Variants in MCF2L observed in about 807,000 individuals in gnomAD.
MCF2L encodes guanine nucleotide exchange factor DBS.
MCF2L carries 97 observed loss-of-function variants against 153.4 expected under a neutral mutation model. The observed-to-expected ratio is 0.63, with a 90% CI of 0.54 to 0.75. MCF2L has a LOEUF of 0.75. Among genes scored for constraint, MCF2L ranks in the 30% least tolerant of loss-of-function variants. The pLI, the probability that MCF2L is intolerant of heterozygous loss-of-function variation, is 0.00. For synonymous variants in MCF2L, 659 were observed against 632.2 expected (o/e 1.04, Z -0.64); for missense variants, 1,347 against 1,495.2 (o/e 0.90, Z 1.64).
rs894403191 is a variant in MCF2L, at chr13:113,035,690, G to A, written c.279-9581G>A. Among the ~76,000 whole-genome samples, 3 of 152,180 alleles carry A rather than the reference G, an allele frequency of 2.0e-5. No individual in the cohort carries two copies. The highest frequency in any genetic ancestry group is 2.9e-5 in the Non-Finnish European group (2 of 68,034). ...AGCTCCTGTGTTATCTGCCCTCCCC[G>A]CGAAGCTCCTTGGAGGATGGAGATT... On this transcript the variant is annotated intron_variant, in intron 3 of 29. Coordinates refer to ENST00000535094, the MANE Select transcript of MCF2L (RefSeq NM_001112732.3). The surrounding 1 kb of genome is among the most constrained non-coding windows in gnomAD (Gnocchi z 4.4).
intron 2 of MCF2L, among the ~76,000 whole-genome samples, chr13:112,939,156 C>T: frequency 6.6e-6 from 1 of 152,174 alleles, no homozygotes; most frequent in East Asian, 1.9e-4. Context: ...TCACTTTCAT[C>T]TGTGACACTT....
intron 1 of MCF2L, among the ~76,000 whole-genome samples, chr13:112,979,095 C>T (rs2082310762): frequency 6.6e-6 from 1 of 152,258 alleles, no homozygotes; most frequent in Non-Finnish European, 1.5e-5. Flanking sequence ...ATCACTTCCT[C>T]CCTCGAGGAG....
At chr13:112,954,480 CCT>C (rs1374890997) in intron 2 of MCF2L, among the ~76,000 whole-genome samples, 16 of 152,360 alleles carry the variant, frequency 1.1e-4, no homozygotes, top group African/African-American at 3.8e-4. Flanking sequence ...TTCACTCCCT[CCT>C]CATTTAACTT....
intron 1 of MCF2L, among the ~76,000 whole-genome samples, chr13:113,005,127 A>G (rs2083601232): frequency 6.6e-6 from 1 of 152,234 alleles, no homozygotes; most frequent in African/African-American, 2.4e-5. Flanking sequence ...TGTGGGGCAC[A>G]CACAATAGAG....
At chr13:112,948,960 T>A (rs1202398440) in intron 2 of MCF2L, among the ~76,000 whole-genome samples, 1 of 152,138 alleles carries the variant, frequency 6.6e-6, no homozygotes, top group East Asian at 1.9e-4. Flanking sequence ...CAGCTACTCA[T>A]GAGGCACAGG....
At chr13:113,036,456 T>C (rs1267900593) in intron 3 of MCF2L, among the ~76,000 whole-genome samples, 2 of 152,208 alleles carry the variant, frequency 1.3e-5, no homozygotes, top group Non-Finnish European at 2.9e-5. Context: ...TCCTACGAGC[T>C]TTGCGTGAGA....
chr13:112,944,465 T>A (rs1206384280), intron 2 of MCF2L, among the ~76,000 whole-genome samples: 2 of 151,802 alleles, frequency 1.3e-5, no homozygotes. Context: ...TGCCGCCTGC[T>A]CAAGGGTCGC....
intron 1 of MCF2L, among the ~76,000 whole-genome samples, chr13:113,010,685 A>T (rs2084035736): frequency 6.6e-6 from 1 of 151,620 alleles, no homozygotes; most frequent in Non-Finnish European, 1.5e-5. Flanking sequence ...GCCGGGCCTC[A>T]GATGTGAGGC....
At chr13:112,992,379 C>T (rs1171928237) in intron 1 of MCF2L, among the ~76,000 whole-genome samples, 2 of 152,194 alleles carry the variant, frequency 1.3e-5, no homozygotes, top group Admixed American at 6.5e-5. Flanking sequence ...AAACCTCGAC[C>T]GTGCTTCCTG....
At chr13:113,048,602 C>T (rs928360076) in intron 4 of MCF2L, among the ~76,000 whole-genome samples, 9 of 152,070 alleles carry the variant, frequency 5.9e-5, no homozygotes, top group African/African-American at 1.7e-4. Context: ...CCACCACGCC[C>T]GGCTAATTTT....
chr13:113,019,067 C>T (rs1211365193), intron 2 of MCF2L, among the ~76,000 whole-genome samples: 2 of 147,322 alleles, frequency 1.4e-5, no homozygotes, highest in East Asian at 1.9e-4. Context: ...TTCGTCTCTT[C>T]TCCTTTCCTC....
intron 2 of MCF2L, among the ~76,000 whole-genome samples, chr13:112,913,625 GC>G (rs1463743317): frequency 6.6e-6 from 1 of 152,132 alleles, no homozygotes; most frequent in Admixed American, 6.5e-5. Context: ...AGTGCATGGG[GC>G]AGGCTGCTTC....
At chr13:112,938,671 A>G (rs1216473155) in intron 2 of MCF2L, among the ~76,000 whole-genome samples, 1 of 152,160 alleles carries the variant, frequency 6.6e-6, no homozygotes, top group African/African-American at 2.4e-5. Flanking sequence ...CCTCAGTTTT[A>G]TCATGCTCAT....
At chr13:113,083,788 A>G (rs2034375959) in intron 17 of MCF2L, among the ~76,000 whole-genome samples, 1 of 152,222 alleles carries the variant, frequency 6.6e-6, no homozygotes, top group South Asian at 2.1e-4. Flanking sequence ...AAGGCCAGAA[A>G]TATAAAGAGA....
At chr13:113,075,513 G>T (rs1353412460) in intron 11 of MCF2L, among the ~76,000 whole-genome samples, 6 of 151,938 alleles carry the variant, frequency 3.9e-5, no homozygotes, top group Non-Finnish European at 8.8e-5. Context: ...TTGTGTGTGT[G>T]TGATAGAGAT....
intron 5 of MCF2L, among the ~76,000 whole-genome samples, chr13:113,063,378 T>C (rs574202142): frequency 7.0e-6 from 1 of 142,604 alleles, no homozygotes; most frequent in African/African-American, 2.7e-5. Context: ...CGTTCAGGCG[T>C]CCCTGTCCAC....
chr13:113,030,744 C>A (rs1170867490), intron 3 of MCF2L, among the ~76,000 whole-genome samples: 1 of 152,210 alleles, frequency 6.6e-6, no homozygotes, highest in Non-Finnish European at 1.5e-5. Flanking sequence ...ATCGGCCAGG[C>A]CTTGATAGGA....
intron 2 of MCF2L, among the ~76,000 whole-genome samples, chr13:112,925,124 A>C (rs1594335297): frequency 1.3e-5 from 2 of 152,254 alleles, no homozygotes; most frequent in East Asian, 3.8e-4. Flanking sequence ...CAATAGGCAT[A>C]TCCAATAAGC....
rs538994191 is a variant in MCF2L at position 113,015,451 on chromosome 13, T to A, written c.163+605T>A. On this transcript the variant is annotated intron_variant, in intron 2 of 29. Coordinates refer to ENST00000535094, the MANE Select transcript of MCF2L (RefSeq NM_001112732.3). ...CTGGGCCATCAGGGTGCCCCGATGCTGAGGAGGGTGCCCCGATGCCGAGGA... is the reference window on the plus strand; with the variant it reads ...CTGGGCCATCAGGGTGCCCCGATGCAGAGGAGGGTGCCCCGATGCCGAGGA... Among the ~76,000 whole-genome samples the A allele has an allele frequency of 5.9e-5, 9 of 152,048 alleles. 1 individual carries two copies. The South Asian group carries it at 1.9e-3, about 32-fold the overall frequency.
Sources: gnomAD v4.1 joint callset for allele counts (sites outside exome capture counted in the v4.1 genomes callset) on GRCh38, gnomAD v4.1.1 for gene constraint, Gnocchi (gnomAD v3.1) non-coding constraint, MANE v1.5 for transcripts, NCBI Gene and HGNC (gene_info 2026-07-23, HGNC 2026-07-21) for gene names.